OCA2: variants seen among roughly 807,000 people sequenced by gnomAD.
OCA2 encodes P protein.
Under a neutral mutation model 100.2 loss-of-function variants are expected in OCA2, and 77 were observed. The observed-to-expected ratio is 0.77, with a 90% CI of 0.64 to 0.93. The LOEUF is 0.93. OCA2 is among the 40% of genes least tolerant of loss of function. The pLI is 0.00. For missense variants in OCA2, 1,062 were observed against 1,089.1 expected, an observed-to-expected ratio of 0.98 and a Z score of 0.35; for synonymous variants, 432 against 439.2, an observed-to-expected ratio of 0.98 and a Z score of 0.21.
intron 23 of OCA2, among the ~76,000 whole-genome samples, chr15:27,769,078 A>G (rs1595376985): frequency 6.6e-6 from 1 of 152,300 alleles, no homozygotes; most frequent in African/African-American, 2.4e-5. Flanking sequence ...CAGAAGATCC[A>G]TTTGTCTTGC....
intron 9 of OCA2, among the ~76,000 whole-genome samples, chr15:27,993,604 C>G (rs780366780): frequency 6.6e-6 from 1 of 152,158 alleles, no homozygotes; most frequent in Non-Finnish European, 1.5e-5. Context: ...CTGGGCTCAT[C>G]GTGGTCTCAC....
intron 19 of OCA2, among the ~76,000 whole-genome samples, chr15:27,919,801 T>C (rs958297549): frequency 3.3e-5 from 5 of 152,168 alleles, no homozygotes; most frequent in Admixed American, 2.6e-4. Context: ...AATGCATCAA[T>C]TTAGGTTCAT....
intron 23 of OCA2, among the ~76,000 whole-genome samples, chr15:27,782,791 A>G (rs184378732): frequency 6.6e-6 from 1 of 152,310 alleles, no homozygotes; most frequent in African/African-American, 2.4e-5. Flanking sequence ...TTTTTTGCTC[A>G]TTTAATAAAA....
At chr15:27,955,066 G>A (rs2040173809) in intron 17 of OCA2, 92 bp downstream of exon 17, 15 of 904,704 alleles carry the variant, frequency 1.7e-5, no homozygotes, top group Admixed American at 1.0e-4. Context: ...AAAGAGAAAC[G>A]GCATTCAGTC....
intron 2 of OCA2, among the ~76,000 whole-genome samples, chr15:28,052,341 T>A (rs1031464983): frequency 3.9e-4 from 59 of 152,264 alleles, no homozygotes; most frequent in African/African-American, 1.4e-3. Context: ...GGGAAGGAAA[T>A]AGCTCATTAG....
At chr15:27,827,225 C>T (rs548785997) in intron 23 of OCA2, among the ~76,000 whole-genome samples, 25 of 152,284 alleles carry the variant, frequency 1.6e-4, no homozygotes, top group Admixed American at 1.1e-3. Context: ...TGGAAAGCAT[C>T]GAGTCATGCA....
intron 23 of OCA2, among the ~76,000 whole-genome samples, chr15:27,786,099 C>T (rs1909267): frequency 0.15 from 23,410 of 152,104 alleles, 2,983 homozygotes; most frequent in East Asian, 0.59. Context: ...TCCAATTGTT[C>T]CAGCACCGTT....
intron 2 of OCA2, among the ~76,000 whole-genome samples, chr15:28,046,951 T>G (rs1302621665): frequency 4.6e-5 from 7 of 152,174 alleles, no homozygotes; most frequent in African/African-American, 1.4e-4. Context: ...CTTTGAAAAT[T>G]TTGGGATCCT....
chr15:27,952,595 G>A (rs1003607491), intron 17 of OCA2, among the ~76,000 whole-genome samples: 18 of 152,190 alleles, frequency 1.2e-4, no homozygotes, highest in African/African-American at 4.1e-4. Flanking sequence ...TGTGAATGCC[G>A]GCCCACTGTG....
At chr15:28,029,119 G>A (rs1049308080) in intron 3 of OCA2, among the ~76,000 whole-genome samples, 17 of 152,154 alleles carry the variant, frequency 1.1e-4, no homozygotes, top group African/African-American at 3.9e-4. Context: ...CAATACTGAC[G>A]TTAACAGATG....
At chr15:27,814,317 T>A (rs1178776467) in intron 23 of OCA2, among the ~76,000 whole-genome samples, 1 of 152,082 alleles carries the variant, frequency 6.6e-6, no homozygotes, top group African/African-American at 2.4e-5. Flanking sequence ...CTGAAGTGCA[T>A]AAAATGTATA....
chr15:27,945,078 A>G (rs572236322), intron 18 of OCA2, among the ~76,000 whole-genome samples: 74 of 152,328 alleles, frequency 4.9e-4, no homozygotes, highest in African/African-American at 1.8e-3. Context: ...AAATGCATGA[A>G]TAAGTGAGAG....
chr15:28,034,516 A>G (rs944348009), intron 2 of OCA2, among the ~76,000 whole-genome samples: 7 of 152,012 alleles, frequency 4.6e-5, no homozygotes, highest in East Asian at 1.9e-4. Flanking sequence ...TGGCTCACAC[A>G]TGTAATCTCA....
At position 27,941,725 on chromosome 15, in the gene OCA2, TGCTCAG is replaced by T. The variant is rs770353347; in HGVS notation, c.1951+10053_1951+10058del. On this transcript the variant is annotated intron_variant, in intron 18 of 23. Coordinates refer to ENST00000354638, the MANE Select transcript of OCA2 (RefSeq NM_000275.3). Reference sequence around the variant, plus strand: ...TCCTCATCCTCATATGTGTGCATGATGCTCAGGAAGGGAGATTCAAATGGGCAAAAA... The same window carrying T: ...TCCTCATCCTCATATGTGTGCATGATGAAGGGAGATTCAAATGGGCAAAAA... Among the ~76,000 whole-genome samples, 297 of 152,312 alleles carry T rather than the reference TGCTCAG, an allele frequency of 1.9e-3. 1 individual carries two copies. Among genetic ancestry groups the T allele is most frequent in the Non-Finnish European group, 3.1e-3 (209 of 68,026 alleles).
chr15:27,730,739 A>T, the OCA2 span, among the ~76,000 whole-genome samples: 18 of 4,440 alleles, frequency 4.1e-3, no homozygotes, highest in African/African-American at 0.028. Flanking sequence ...CCAAATATAT[A>T]TATATATATA....
intron 2 of OCA2, among the ~76,000 whole-genome samples, chr15:28,080,048 C>G (rs145888696): frequency 1.3e-5 from 2 of 152,320 alleles, no homozygotes; most frequent in African/African-American, 4.8e-5. Context: ...CAATTCTTGT[C>G]TCACTGGAAG....
In OCA2 at chr15:27,988,642, C is replaced by T. The variant is rs184256952; in HGVS notation, c.1182+959G>A. ...ATACATTTATATTATTTAAGCCACA[C>T]GGTCTGTGGTACTTTGTTACATAGT... On this transcript the variant is annotated intron_variant, in intron 11 of 23. Coordinates refer to ENST00000354638, the MANE Select transcript of OCA2 (RefSeq NM_000275.3). Among the ~76,000 whole-genome samples the T allele has an allele frequency of 2.0e-5, 3 of 152,306 alleles. No homozygotes were observed. In the East Asian group the frequency reaches 5.8e-4, roughly 29 times the overall value.
At chr15:27,839,281 T>TA (rs2035262692) in intron 23 of OCA2, among the ~76,000 whole-genome samples, 2 of 151,550 alleles carry the variant, frequency 1.3e-5, no homozygotes, top group South Asian at 4.2e-4. Flanking sequence ...TTTTAGAAAA[T>TA]AAGAGAGCAA....
At chr15:27,991,455 G>A (rs2041552052) in intron 9 of OCA2, among the ~76,000 whole-genome samples, 1 of 152,206 alleles carries the variant, frequency 6.6e-6, no homozygotes, top group Admixed American at 6.5e-5. Context: ...TAGAAGTGAT[G>A]CTGGGGAAAG....
Sources: allele counts gnomAD v4.1 joint callset (sites outside exome capture counted in the v4.1 genomes callset), GRCh38; gene constraint gnomAD v4.1.1; transcripts MANE v1.5; gene names NCBI Gene and HGNC (gene_info 2026-07-23, HGNC 2026-07-21).